The following RAPGEF2 variants were observed in gnomAD, a reference collection of about 807,000 sequenced individuals.
RAPGEF2 encodes PDZ domain containing guanine nucleotide exchange factor (GEF) 1.
Under a neutral mutation model 186.7 loss-of-function variants are expected in RAPGEF2, and 54 were observed. That is an observed-to-expected ratio of 0.29 (90% confidence interval 0.23 to 0.36). RAPGEF2 has a LOEUF of 0.36. Ranked by LOEUF, RAPGEF2 falls within the 10% of genes least tolerant of loss-of-function variation. The pLI, the probability that RAPGEF2 is intolerant of heterozygous loss-of-function variation, is 1.00. For missense variants in RAPGEF2, 1,532 were observed against 2,045.0 expected, an observed-to-expected ratio of 0.75 and a Z score of 4.84; for synonymous variants, 712 against 705.9, an observed-to-expected ratio of 1.01 and a Z score of -0.14.
chr4:159,315,973 T>G (rs1409068681), intron 9 of RAPGEF2, among the ~76,000 whole-genome samples: 1 of 152,136 alleles, frequency 6.6e-6, no homozygotes, highest in African/African-American at 2.4e-5. Context: ...CAGAGTCTTC[T>G]CTAAACTCCC....
intron 7 of RAPGEF2, among the ~76,000 whole-genome samples, chr4:159,264,023 A>G (rs1225800991): frequency 6.6e-6 from 1 of 152,204 alleles, no homozygotes. Flanking sequence ...GTAATGGTTA[A>G]GGAATGGGGT....
chr4:159,261,926 A>G (rs1338146146), intron 7 of RAPGEF2, among the ~76,000 whole-genome samples: 1 of 151,848 alleles, frequency 6.6e-6, no homozygotes, highest in Non-Finnish European at 1.5e-5. Flanking sequence ...AGGTCTTTAT[A>G]TTTATTCCTG....
chr4:159,160,210 C>G (rs980193707), intron 1 of RAPGEF2, among the ~76,000 whole-genome samples: 5 of 152,098 alleles, frequency 3.3e-5, no homozygotes, highest in Admixed American at 1.3e-4. Context: ...TTACTGATTC[C>G]CATTCTTTCC....
chr4:159,348,970 T>G (rs1463610470), intron 25 of RAPGEF2, among the ~76,000 whole-genome samples: 1 of 152,222 alleles, frequency 6.6e-6, no homozygotes, highest in Non-Finnish European at 1.5e-5. Context: ...CATTGGTGTC[T>G]TTGTCATCAC....
chr4:159,156,718 C>T (rs1425318863), intron 1 of RAPGEF2, among the ~76,000 whole-genome samples: 2 of 152,114 alleles, frequency 1.3e-5, no homozygotes, highest in African/African-American at 4.8e-5. Flanking sequence ...CAATTCCCAC[C>T]TATGAGTGAG....
chr4:159,298,693 G>A (rs1377648184), intron 7 of RAPGEF2, among the ~76,000 whole-genome samples: 1 of 152,196 alleles, frequency 6.6e-6, no homozygotes, highest in Non-Finnish European at 1.5e-5. Flanking sequence ...CAGAGGGAGT[G>A]AAAGATCGTG....
chr4:159,161,569 TG>T (rs1446018210), intron 1 of RAPGEF2, among the ~76,000 whole-genome samples: 1 of 152,048 alleles, frequency 6.6e-6, no homozygotes, highest in Non-Finnish European at 1.5e-5. Flanking sequence ...CCAGGTGTGG[TG>T]ACACTTGCCT....
intron 7 of RAPGEF2, among the ~76,000 whole-genome samples, chr4:159,278,365 T>A (rs1397754138): frequency 2.6e-5 from 4 of 152,126 alleles, no homozygotes; most frequent in Non-Finnish European, 5.9e-5. Context: ...TGCTCCCACA[T>A]TGGTTTAAAT....
intron 1 of RAPGEF2, among the ~76,000 whole-genome samples, chr4:159,156,878 CAA>C (rs906610429): frequency 6.6e-6 from 1 of 152,130 alleles, no homozygotes; most frequent in Non-Finnish European, 1.5e-5. Flanking sequence ...ACAATACAAA[CAA>C]GAAATATAGT....
chr4:159,337,291 G>A lies in RAPGEF2; in HGVS notation c.2136-1020G>A, dbSNP rs1445536628. Among the ~76,000 whole-genome samples the A allele has an allele frequency of 5.9e-5, 9 of 152,208 alleles. 1 individual carries two copies. The East Asian group carries it at 1.7e-3, about 29-fold the overall frequency. On this transcript the variant is annotated intron_variant, in intron 17 of 29. Transcript: ENST00000691494. Reference sequence around the variant, plus strand: ...TAATCAAGAAATAATGTCTGTGTCAGTCTCCTTACATTTGACTCCATAGTG... The same window carrying A: ...TAATCAAGAAATAATGTCTGTGTCAATCTCCTTACATTTGACTCCATAGTG...
intron 7 of RAPGEF2, among the ~76,000 whole-genome samples, chr4:159,292,653 GTATT>G (rs1394137873): frequency 6.6e-6 from 1 of 152,062 alleles, no homozygotes; most frequent in African/African-American, 2.4e-5. Context: ...TTCAAGAGAA[GTATT>G]TATTCTCAAG....
intron 4 of RAPGEF2, among the ~76,000 whole-genome samples, chr4:159,222,590 A>G (rs1416680789): frequency 6.6e-6 from 1 of 152,172 alleles, no homozygotes; most frequent in Non-Finnish European, 1.5e-5. Flanking sequence ...TCAGTTGGTT[A>G]CCCACTGCTA....
intron 7 of RAPGEF2, among the ~76,000 whole-genome samples, chr4:159,254,440 A>G (rs1561154893): frequency 6.6e-6 from 1 of 152,286 alleles, no homozygotes; most frequent in Admixed American, 6.5e-5. Context: ...AGTCTCTTAC[A>G]GATTTGATTC....
chr4:159,168,324 G>A (rs1387812310), intron 1 of RAPGEF2, among the ~76,000 whole-genome samples: 2 of 152,142 alleles, frequency 1.3e-5, no homozygotes, highest in Non-Finnish European at 2.9e-5. Flanking sequence ...TCAAAGGAAT[G>A]TATTTCCAGG....
At chr4:159,144,091 TC>T (rs1485661310) in intron 1 of RAPGEF2, among the ~76,000 whole-genome samples, 3 of 152,232 alleles carry the variant, frequency 2.0e-5, no homozygotes, top group Non-Finnish European at 2.9e-5. Flanking sequence ...CTCAGAGTCC[TC>T]CCTTTAACCT....
chr4:159,264,010 T>G (rs1405122461), intron 7 of RAPGEF2, among the ~76,000 whole-genome samples: 3 of 152,194 alleles, frequency 2.0e-5, no homozygotes, highest in Non-Finnish European at 2.9e-5. Context: ...TTAATGCTAC[T>G]TGGTAATGGT....
At chr4:159,146,116 C>T (rs1272067355) in intron 1 of RAPGEF2, among the ~76,000 whole-genome samples, 1 of 151,844 alleles carries the variant, frequency 6.6e-6, no homozygotes, top group South Asian at 2.1e-4. Context: ...GTTGTCCTTG[C>T]AGAGTGAATT....
chr4:159,110,264 G>C (rs947963391), intron 1 of RAPGEF2, among the ~76,000 whole-genome samples: 2 of 152,026 alleles, frequency 1.3e-5, no homozygotes, highest in Non-Finnish European at 2.9e-5. Context: ...TACATTCTGG[G>C]AATCTAGTTT....
chr4:159,126,447 A>G (rs886856811), intron 1 of RAPGEF2, among the ~76,000 whole-genome samples: 1 of 151,954 alleles, frequency 6.6e-6, no homozygotes, highest in African/African-American at 2.4e-5. Context: ...GGCTTTTTGC[A>G]TATTTTTAGT....
Sources: gnomAD v4.1 joint callset for allele counts (sites outside exome capture counted in the v4.1 genomes callset) on GRCh38, gnomAD v4.1.1 for gene constraint, MANE v1.5 for transcripts, NCBI Gene and HGNC (gene_info 2026-07-23, HGNC 2026-07-21) for gene names.